KIF13B: variants seen among roughly 807,000 people sequenced by gnomAD.
KIF13B encodes kinesin family member 13B.
In KIF13B, 127 loss-of-function variants were observed where a neutral mutation model predicts 222.0. That is an observed-to-expected ratio of 0.57 (90% CI 0.50 to 0.66). The LOEUF (loss-of-function observed/expected upper bound fraction) is 0.66, where lower values mean the gene tolerates loss of function less well. Among genes scored for constraint, KIF13B ranks in the 30% least tolerant of loss-of-function variants. The pLI is 0.00. For missense variants in KIF13B, 2,173 were observed against 2,379.0 expected (o/e 0.91, Z 1.80); for synonymous variants, 976 against 919.0 (o/e 1.06, Z -1.12).
intron 2 of KIF13B, among the ~76,000 whole-genome samples, chr8:29,197,106 G>T (rs112601554): frequency 4.6e-5 from 7 of 151,730 alleles, no homozygotes; most frequent in Admixed American, 4.6e-4. Flanking sequence ...GGGAGGCCGA[G>T]GCGGGCGGAT....
chr8:29,235,550 C>T (rs1275068985), intron 2 of KIF13B, among the ~76,000 whole-genome samples: 1 of 152,192 alleles, frequency 6.6e-6, no homozygotes, highest in Non-Finnish European at 1.5e-5. Context: ...CAAGAGGCAT[C>T]TAGTGCAGAC....
In KIF13B at chr8:29,110,082, A is replaced by C. The variant is rs573893616; in HGVS notation, c.3931-12T>G. The C allele has an allele frequency of 7.1e-6, 11 of 1,552,048 alleles. No homozygotes were observed. Among genetic ancestry groups the C allele is most frequent in the African/African-American group, 1.4e-5 (1 of 73,088 alleles). ...ACTCCCTGGGCATCCTGAGCAGTGG[A>C]AAGTTATACATTATAAAAGCTTCTT... On this transcript the variant is annotated splice_polypyrimidine_tract_variant and intron_variant, in intron 32 of 39. Coordinates refer to ENST00000524189, the MANE Select transcript of KIF13B (RefSeq NM_015254.4).
chr8:29,121,008 C>T (rs1809832644), intron 29 of KIF13B, among the ~76,000 whole-genome samples: 2 of 124,042 alleles, frequency 1.6e-5, no homozygotes, highest in Non-Finnish European at 3.4e-5. Context: ...ATGTCCTTCG[C>T]CCACTTTTTG....
intron 2 of KIF13B, among the ~76,000 whole-genome samples, chr8:29,240,631 G>C (rs929309031): frequency 6.6e-6 from 1 of 152,226 alleles, no homozygotes; most frequent in African/African-American, 2.4e-5. Flanking sequence ...CAATAGAGAA[G>C]TATACCAGAA....
At position 29,070,299 on chromosome 8, in the gene KIF13B, A is replaced by C; in HGVS notation, c.*205T>G. 1.7e-6 allele frequency: 1 copy of C among 603,772 alleles called. No individual in the cohort carries two copies. Among genetic ancestry groups the C allele is most frequent in the Non-Finnish European group, 2.9e-6 (1 of 348,564 alleles). The allele number at this position is 603,772 out of a possible 1,614,324, so 37.4% of individuals were successfully genotyped here. A position where few individuals can be genotyped will look rare whatever the true frequency, so the allele number is the denominator to read the frequency against. ...ACCTTCCATCCACCTGAGGAGGCACAGTTGAGGCCCCCACTTTACCCGGGT... is the reference window on the plus strand; with the variant it reads ...ACCTTCCATCCACCTGAGGAGGCACCGTTGAGGCCCCCACTTTACCCGGGT... On this transcript the variant is annotated 3_prime_UTR_variant, in exon 40 of 40. Transcript: ENST00000524189. The surrounding 1 kb of genome is among the most constrained non-coding windows in gnomAD (Gnocchi z 4.1).
intron 17 of KIF13B, 145 bp downstream of exon 17, chr8:29,147,247 A>G (rs1811096948): frequency 4.7e-6 from 3 of 643,144 alleles, no homozygotes; most frequent in Admixed American, 5.8e-5. Flanking sequence ...ACAAATGCAA[A>G]GTGGTTCTTG....
chr8:29,170,586 G>A (rs1255118957), intron 10 of KIF13B, among the ~76,000 whole-genome samples: 1 of 152,186 alleles, frequency 6.6e-6, no homozygotes, highest in Non-Finnish European at 1.5e-5. Context: ...TAAAGGGAGA[G>A]GGGAGAGGAG....
chr8:29,121,224 C>T (rs1438782244), intron 29 of KIF13B, among the ~76,000 whole-genome samples: 3 of 102,010 alleles, frequency 2.9e-5, no homozygotes, highest in African/African-American at 1.2e-4. Flanking sequence ...TCATATGGAA[C>T]CAAAAAAGAG....
intron 6 of KIF13B, among the ~76,000 whole-genome samples, chr8:29,185,557 C>CT (rs1812889900): frequency 1.3e-5 from 2 of 152,202 alleles, no homozygotes; most frequent in African/African-American, 2.4e-5. Flanking sequence ...TCAAGGAAAA[C>CT]TGACAACAGA....
At chr8:29,160,977 C>T in intron 12 of KIF13B, 110 bp from the exon 13 acceptor site, 1 of 882,324 alleles carries the variant, frequency 1.1e-6, no homozygotes, top group Non-Finnish European at 1.7e-6. Flanking sequence ...AATTCAAATA[C>T]ATTCTCTTAG....
In KIF13B at chr8:29,122,545, A is replaced by G. The variant is rs564543109; in HGVS notation, c.3535+46T>C. ...GTTGGAATCTACATGTTATGTAGGC[A>G]CTAAATTTTCAGAGGTAAGCCTTCA... On this transcript the variant is annotated intron_variant, in intron 29 of 39. Transcript: ENST00000524189. 7 of 1,496,400 alleles carry G rather than the reference A, an allele frequency of 4.7e-6. No individual in the cohort carries two copies. In the African/African-American group the frequency reaches 8.3e-5, roughly 18 times the overall value. The allele number at this position is 1,496,400 out of a possible 1,614,324, so 92.7% of individuals were successfully genotyped here. A position where few individuals can be genotyped will look rare whatever the true frequency, so the allele number is the denominator to read the frequency against.
At chr8:29,217,544 T>A (rs1361723370) in intron 2 of KIF13B, among the ~76,000 whole-genome samples, 1 of 152,210 alleles carries the variant, frequency 6.6e-6, no homozygotes, top group African/African-American at 2.4e-5. Context: ...TTAGTGTCTT[T>A]ATTATTTATT....
chr8:29,116,051 T>C (rs1278840034), intron 31 of KIF13B, among the ~76,000 whole-genome samples: 4 of 152,176 alleles, frequency 2.6e-5, no homozygotes, highest in African/African-American at 9.7e-5. Context: ...ACAAATCAAC[T>C]TGGCTCTTTA....
chr8:29,078,269 G>C (rs529463063), intron 37 of KIF13B, among the ~76,000 whole-genome samples: 1 of 148,598 alleles, frequency 6.7e-6, no homozygotes, highest in Non-Finnish European at 1.5e-5. Context: ...CATCACTCCA[G>C]CCTGGCCAAC....
Position 29,068,431 on chromosome 8 carries a change from C to A in KIF13B, c.*2073G>T, listed in dbSNP as rs1044351425. On this transcript the variant is annotated 3_prime_UTR_variant, in exon 40 of 40. Coordinates refer to ENST00000524189, the MANE Select transcript of KIF13B (RefSeq NM_015254.4). The surrounding 1 kb of genome is among the most constrained non-coding windows in gnomAD (Gnocchi z 4.4). Reference sequence around the variant, plus strand: ...GCCACAAGCTGACATTAGTCCGCACCGAGAAGCAAGAGTGAACAGGGCCTG... The same window carrying A: ...GCCACAAGCTGACATTAGTCCGCACAGAGAAGCAAGAGTGAACAGGGCCTG... 1 of 152,320 alleles carries A rather than the reference C, an allele frequency of 6.6e-6. No individual in the cohort carries two copies. The highest frequency in any genetic ancestry group is 6.5e-5 in the Admixed American group (1 of 15,282). The allele number at this position is 152,320 out of a possible 1,614,324, so 9.4% of individuals were successfully genotyped here.
intron 13 of KIF13B, among the ~76,000 whole-genome samples, chr8:29,157,282 T>C (rs1362059980): frequency 6.7e-6 from 1 of 149,990 alleles, no homozygotes; most frequent in African/African-American, 2.5e-5. Context: ...AGAGTGGGCA[T>C]GGTAGCTTAC....
chr8:29,186,324 A>G lies in KIF13B; in HGVS notation c.465T>C (p.Asn155=). The part of the protein sequence containing the change: ...KVEVSYMEIY[N]EKVRDLLDPK... ...GATCAAGAAGGTCTCGAACTTTTTCATTATAAATTTCCATGTAGGACACTT... is the reference window on the plus strand; with the variant it reads ...GATCAAGAAGGTCTCGAACTTTTTCGTTATAAATTTCCATGTAGGACACTT... Residue 155 remains asparagine (N), a synonymous_variant, in exon 6 of 40, where the codon AAT becomes AAC. Transcript: ENST00000524189. 6.2e-7 allele frequency: 1 copy of G among 1,612,854 alleles called. No homozygotes were observed. Among genetic ancestry groups the G allele is most frequent in the Non-Finnish European group, 8.5e-7 (1 of 1,179,564 alleles).
At chr8:29,136,965 A>G (rs1037062410) in intron 21 of KIF13B, among the ~76,000 whole-genome samples, 1 of 151,492 alleles carries the variant, frequency 6.6e-6, no homozygotes, top group Admixed American at 6.6e-5. Context: ...ACGCCCGGCT[A>G]ATTTTTTTGT....
At chr8:29,250,663 T>C (rs1027674300) in intron 1 of KIF13B, among the ~76,000 whole-genome samples, 3 of 152,038 alleles carry the variant, frequency 2.0e-5, no homozygotes, top group Non-Finnish European at 2.9e-5. Flanking sequence ...ACCCTGTCGA[T>C]TGAAGGATAG....
Sources: allele counts gnomAD v4.1 joint callset (sites outside exome capture counted in the v4.1 genomes callset), GRCh38; gene constraint gnomAD v4.1.1; non-coding constraint Gnocchi (gnomAD v3.1); transcripts MANE v1.5; gene names NCBI Gene and HGNC (gene_info 2026-07-23, HGNC 2026-07-21).